Variants in EDNRA observed in about 807,000 individuals in gnomAD.
EDNRA encodes endothelin-1 receptor.
EDNRA carries 11 observed loss-of-function variants against 41.4 expected under a neutral mutation model. The ratio of observed to expected loss-of-function variants is 0.27; its 90% CI spans 0.17 to 0.44. The LOEUF (loss-of-function observed/expected upper bound fraction) is 0.44, where lower values mean the gene tolerates loss of function less well. EDNRA is among the 20% of genes least tolerant of loss of function. The pLI, the probability that EDNRA is intolerant of heterozygous loss-of-function variation, is 1.00. For synonymous variants in EDNRA, 172 were observed against 183.0 expected, an observed-to-expected ratio of 0.94 and a Z score of 0.49; for missense variants, 294 against 531.0, an observed-to-expected ratio of 0.55 and a Z score of 4.39.
chr4:147,518,473 C>T (rs980195299), intron 2 of EDNRA, among the ~76,000 whole-genome samples: 11 of 152,060 alleles, frequency 7.2e-5, no homozygotes, highest in African/African-American at 2.7e-4. Context: ...TTTTCAAAAA[C>T]TATTTAGAAG....
chr4:147,498,228 AG>A (rs1349446005), intron 2 of EDNRA, among the ~76,000 whole-genome samples: 1 of 152,212 alleles, frequency 6.6e-6, no homozygotes, highest in Non-Finnish European at 1.5e-5. Flanking sequence ...CATGAATAAG[AG>A]TTTAAATGTG....
At chr4:147,491,761 T>C (rs1729146056) in intron 2 of EDNRA, 1 of 152,228 alleles carries the variant, frequency 6.6e-6, no homozygotes, top group African/African-American at 2.4e-5. Context: ...ACTTTTCTCA[T>C]GTACTCCAAG....
At chr4:147,488,060 A>G (rs1308131054) in intron 2 of EDNRA, 1 of 152,230 alleles carries the variant, frequency 6.6e-6, no homozygotes, top group Non-Finnish European at 1.5e-5. Flanking sequence ...AGTATCAAAC[A>G]TTGATTATTC....
chr4:147,532,645 G>A lies in EDNRA; in HGVS notation c.688G>A (p.Glu230Lys), dbSNP rs1281341172. The A allele has an allele frequency of 6.2e-7, 1 of 1,614,030 alleles. No homozygotes were observed. The highest frequency in any genetic ancestry group is 1.7e-5 in the Admixed American group (1 of 60,010). Residue 230 changes from glutamate (E) to lysine (K), a missense_variant, in exon 4 of 8, where the codon GAA becomes AAA. Physicochemically the swap from Glu to Lys is moderately conservative, Grantham distance 56. Around this residue, in one of 3 missense-constraint regions of EDNRA, gnomAD observed 185 missense variants for 390.8 expected, o/e 0.47. Transcript: ENST00000651419. ...GATTGGCTTCGTCATGGTACCCTTT[G>A]AATATAGGGGTGAACAGCATAAAAC... is the stretch of plus-strand genomic sequence containing the variant. ...EAIGFVMVPFEYRGEQHKTCM... is the reference protein window; with the variant it reads ...EAIGFVMVPFKYRGEQHKTCM...
At chr4:147,522,149 G>A (rs1730344591) in intron 3 of EDNRA, among the ~76,000 whole-genome samples, 1 of 152,114 alleles carries the variant, frequency 6.6e-6, no homozygotes, top group Admixed American at 6.5e-5. Flanking sequence ...GAAAAAGCAT[G>A]TTAAAGTCTT....
chr4:147,528,969 C>A (rs1730655978), intron 3 of EDNRA, among the ~76,000 whole-genome samples: 1 of 152,132 alleles, frequency 6.6e-6, no homozygotes, highest in Non-Finnish European at 1.5e-5. Context: ...GACGTAACAG[C>A]CTCACTCCAG....
At chr4:147,502,113 T>G (rs140551696) in intron 2 of EDNRA, among the ~76,000 whole-genome samples, 1 of 152,252 alleles carries the variant, frequency 6.6e-6, no homozygotes, top group Non-Finnish European at 1.5e-5. Flanking sequence ...TATAAAAAAA[T>G]GGTGAAAAAA....
chr4:147,540,476 T>C lies in EDNRA; in HGVS notation c.1134T>C (p.Asn378=). Residue 378 remains asparagine, a synonymous_variant, in exon 7 of 8, where the codon AAT becomes AAC. Coordinates refer to ENST00000651419, the MANE Select transcript of EDNRA (RefSeq NM_001957.4). ...ALYFVSKKFK[N]CFQSCLCCCC... ...ATTTTGTGAGCAAGAAATTTAAAAATTGTTTCCAGGTAAGATGATTTTTCA... is the reference window on the plus strand; with the variant it reads ...ATTTTGTGAGCAAGAAATTTAAAAACTGTTTCCAGGTAAGATGATTTTTCA... 1 of 1,608,010 alleles carries C rather than the reference T, an allele frequency of 6.2e-7. No homozygotes were observed. The highest frequency in any genetic ancestry group is 8.5e-7 in the Non-Finnish European group (1 of 1,176,998).
chr4:147,515,457 C>G (rs1730083180), intron 2 of EDNRA, among the ~76,000 whole-genome samples: 1 of 152,090 alleles, frequency 6.6e-6, no homozygotes. Context: ...GAAGAGCTCC[C>G]AAAATCATTC....
intron 2 of EDNRA, among the ~76,000 whole-genome samples, chr4:147,497,496 G>A (rs10028666): frequency 0.047 from 7,180 of 151,998 alleles, 555 homozygotes; most frequent in African/African-American, 0.16. Flanking sequence ...AGTTGCTGAC[G>A]TTCTATTTGA....
In EDNRA at chr4:147,485,593, A is replaced by AT; in HGVS notation, c.-70-14dup. The AT allele has an allele frequency of 6.9e-7, 1 of 1,457,246 alleles. No homozygotes were observed. The highest frequency in any genetic ancestry group is 9.2e-7 in the Non-Finnish European group (1 of 1,085,154). 90.3% of individuals were successfully genotyped at this position (1,457,246 alleles called of 1,614,324 possible). ...GCAACTGGGTTTTGGAACAAAAATT[A>AT]TTTTTCCTTTTGTTTCAGGTGAAAA... On this transcript the variant is annotated intron_variant, in intron 1 of 7. Transcript: ENST00000651419.
At chr4:147,510,631 C>T (rs1439248683) in intron 2 of EDNRA, among the ~76,000 whole-genome samples, 2 of 152,142 alleles carry the variant, frequency 1.3e-5, no homozygotes, top group African/African-American at 4.8e-5. Flanking sequence ...ATGATGCTTA[C>T]AGCTCACTGG....
rs2357923 is a variant in EDNRA, at chr4:147,509,600, C to T, written c.421-10251C>T. ...AGCTTCCTCTGTATTTACAGCTGCT[C>T]CCCATCACTCGCATTACCTCATGAG... is the stretch of plus-strand genomic sequence containing the variant. On this transcript the variant is annotated intron_variant, in intron 2 of 7. Coordinates refer to ENST00000651419, the MANE Select transcript of EDNRA (RefSeq NM_001957.4). 6.8e-3 allele frequency among the ~76,000 whole-genome samples: 1,041 copies of T among 152,228 alleles called. 9 individuals are homozygous for T. Among genetic ancestry groups the T allele is most frequent in the African/African-American group, 0.023 (946 of 41,536 alleles).
At chr4:147,513,856 A>G (rs1730006861) in intron 2 of EDNRA, among the ~76,000 whole-genome samples, 1 of 152,202 alleles carries the variant, frequency 6.6e-6, no homozygotes, top group African/African-American at 2.4e-5. Flanking sequence ...TGAGAGGAAA[A>G]TCAGCACAAA....
At chr4:147,536,350 T>C (rs544773039) in intron 5 of EDNRA, among the ~76,000 whole-genome samples, 1 of 152,314 alleles carries the variant, frequency 6.6e-6, no homozygotes, top group African/African-American at 2.4e-5. Context: ...CAAAAAAGCA[T>C]GTAACTTTCT....
At chr4:147,496,271 G>C (rs548417499) in intron 2 of EDNRA, among the ~76,000 whole-genome samples, 1 of 152,246 alleles carries the variant, frequency 6.6e-6, no homozygotes, top group Admixed American at 6.5e-5. Flanking sequence ...TCACCAAATA[G>C]AAATATCTAG....
At chr4:147,490,620 C>T (rs1312645247) in intron 2 of EDNRA, 1 of 152,024 alleles carries the variant, frequency 6.6e-6, no homozygotes, top group Non-Finnish European at 1.5e-5. Context: ...AACATTGTCT[C>T]CATGTTGGGA....
intron 3 of EDNRA, among the ~76,000 whole-genome samples, chr4:147,525,608 A>G (rs1730510728): frequency 6.7e-6 from 1 of 149,694 alleles, no homozygotes; most frequent in Non-Finnish European, 1.5e-5. Flanking sequence ...AAAAAAAAAA[A>G]GCAGCAGCAG....
At chr4:147,534,195 T>C (rs1730842766) in intron 4 of EDNRA, among the ~76,000 whole-genome samples, 2 of 152,120 alleles carry the variant, frequency 1.3e-5, no homozygotes, top group African/African-American at 4.8e-5. Flanking sequence ...GCATCATTTA[T>C]ACCCAGCCAG....
Sources: gnomAD v4.1 joint callset for allele counts (sites outside exome capture counted in the v4.1 genomes callset) on GRCh38, gnomAD v4.1.1 for gene constraint, gnomAD v4.1.1 regional missense constraint, MANE v1.5 for transcripts, NCBI Gene and HGNC (gene_info 2026-07-23, HGNC 2026-07-21) for gene names.